Variants in RALGPS1 observed in about 807,000 individuals in gnomAD.
RALGPS1 encodes Ral GEF with PH domain and SH3 binding motif 1, also known as ras-specific guanine nucleotide-releasing factor RalGPS1.
Under a neutral mutation model 78.8 loss-of-function variants are expected in RALGPS1, and 19 were observed. That is an observed-to-expected ratio of 0.24 (90% CI 0.17 to 0.35). RALGPS1 has a LOEUF of 0.35. RALGPS1 is among the 10% of genes least tolerant of loss of function. RALGPS1 has a pLI of 1.00. For missense variants in RALGPS1, 454 were observed against 688.3 expected (o/e 0.66, Z 3.81); for synonymous variants, 228 against 256.3 (o/e 0.89, Z 1.06).
rs951244468 is a variant in RALGPS1, at chr9:127,062,849, GT to G, written c.484-6375del. 7.5e-4 allele frequency among the ~76,000 whole-genome samples: 114 copies of G among 152,230 alleles called. 1 individual carries two copies. Among genetic ancestry groups the G allele is most frequent in the East Asian group, 2.9e-3 (15 of 5,190 alleles). The stretch of plus-strand genomic sequence containing the variant: ...TTTATATTAGGTATGTGACTTTGTA[GT>G]TTTTTATTTTTCAGAAATGGGTATT... On this transcript the variant is annotated intron_variant, in intron 7 of 18. Transcript: ENST00000259351.
At chr9:127,199,826 G>A (rs1377549824) in intron 14 of RALGPS1, among the ~76,000 whole-genome samples, 2 of 152,150 alleles carry the variant, frequency 1.3e-5, no homozygotes, top group African/African-American at 4.8e-5. Context: ...GAGAGGAGGC[G>A]GGAAACATCC....
At chr9:126,932,245 T>C (rs1446315036) in intron 1 of RALGPS1, among the ~76,000 whole-genome samples, 1 of 152,188 alleles carries the variant, frequency 6.6e-6, no homozygotes. Context: ...AAGACAATAT[T>C]ATGTTGGTGA....
At chr9:126,968,312 C>G (rs564285626) in intron 3 of RALGPS1, among the ~76,000 whole-genome samples, 1 of 152,024 alleles carries the variant, frequency 6.6e-6, no homozygotes, top group Non-Finnish European at 1.5e-5. Flanking sequence ...ACCAAGAGTT[C>G]AATTCTTACA....
chr9:127,054,234 A>G (rs2048529032), intron 7 of RALGPS1, among the ~76,000 whole-genome samples: 1 of 152,148 alleles, frequency 6.6e-6, no homozygotes, highest in Non-Finnish European at 1.5e-5. Flanking sequence ...AGTCCATCTG[A>G]CCAGTGAGGC....
At chr9:126,946,210 C>T (rs1391172538) in intron 1 of RALGPS1, among the ~76,000 whole-genome samples, 1 of 152,060 alleles carries the variant, frequency 6.6e-6, no homozygotes, top group Non-Finnish European at 1.5e-5. Context: ...ACAATGTTGC[C>T]TGCTGATACT....
chr9:127,109,666 T>G (rs1400106833), intron 8 of RALGPS1, among the ~76,000 whole-genome samples: 1 of 152,238 alleles, frequency 6.6e-6, no homozygotes, highest in East Asian at 1.9e-4. Context: ...AGATGTTGAT[T>G]GAACACCTGT....
chr9:127,206,688 AG>A (rs1407926436), intron 14 of RALGPS1, among the ~76,000 whole-genome samples: 1 of 152,166 alleles, frequency 6.6e-6, no homozygotes, highest in Admixed American at 6.5e-5. Flanking sequence ...AAGATTACCA[AG>A]GCCTCAACAT....
intron 8 of RALGPS1, among the ~76,000 whole-genome samples, chr9:127,139,285 G>A (rs970270314): frequency 1.9e-4 from 29 of 152,206 alleles, no homozygotes; most frequent in Non-Finnish European, 2.6e-4. Context: ...GGGTCACTCT[G>A]ACTAGTGAGG....
chr9:126,953,845 A>G (rs1270040682), intron 1 of RALGPS1, among the ~76,000 whole-genome samples: 1 of 152,208 alleles, frequency 6.6e-6, no homozygotes, highest in Non-Finnish European at 1.5e-5. Flanking sequence ...GTTAAAGGAT[A>G]AACTCCATGG....
chr9:127,117,738 T>C (rs1007133657), intron 8 of RALGPS1, among the ~76,000 whole-genome samples: 2 of 152,252 alleles, frequency 1.3e-5, no homozygotes, highest in African/African-American at 2.4e-5. Flanking sequence ...CTTTTCTACC[T>C]GGCCCTGAGT....
Position 127,091,672 on chromosome 9 carries a change from G to T in RALGPS1, c.610+22316G>T, listed in dbSNP as rs747860652. 1 of 1,613,336 alleles carries T rather than the reference G, an allele frequency of 6.2e-7. No individual in the cohort carries two copies. Among genetic ancestry groups the T allele is most frequent in the Non-Finnish European group, 8.5e-7 (1 of 1,179,898 alleles). On this transcript the variant is annotated intron_variant, in intron 8 of 18. Transcript: ENST00000259351. This position sits in a 1 kb window ranked among gnomAD's most constrained non-coding sequence, Gnocchi z 4.3. ...GGGTTTGACTCCACTTTTCCTACCT[G>T]TGTAGACATCATGATCTCTGTCCAG... is the stretch of plus-strand genomic sequence containing the variant.
At chr9:127,000,874 C>A (rs1305122128) in intron 4 of RALGPS1, among the ~76,000 whole-genome samples, 3 of 151,448 alleles carry the variant, frequency 2.0e-5, no homozygotes, top group African/African-American at 4.8e-5. Flanking sequence ...ATTTCTAATT[C>A]CATTGTAGTT....
intron 3 of RALGPS1, 52 bp from the exon 4 acceptor site, chr9:126,977,643 C>T: frequency 2.4e-6 from 3 of 1,264,568 alleles, no homozygotes; most frequent in Admixed American, 1.9e-5. Flanking sequence ...AGTAACATGA[C>T]AGTTATCTTT....
intron 4 of RALGPS1, chr9:126,990,176 A>G (rs1191738021): frequency 1.4e-6 from 1 of 718,810 alleles, no homozygotes; most frequent in Non-Finnish European, 2.2e-6. Flanking sequence ...TCATTTGTAA[A>G]GTGGAGATTG....
intron 3 of RALGPS1, among the ~76,000 whole-genome samples, chr9:126,970,305 A>G (rs1229128365): frequency 2.6e-5 from 4 of 152,214 alleles, no homozygotes; most frequent in African/African-American, 9.6e-5. Flanking sequence ...GCATCTGTAG[A>G]GGAGAAAGCA....
At chr9:127,061,086 A>G (rs930905563) in intron 7 of RALGPS1, among the ~76,000 whole-genome samples, 4 of 152,234 alleles carry the variant, frequency 2.6e-5, no homozygotes, top group African/African-American at 4.8e-5. Flanking sequence ...GATGTGGCAC[A>G]TGATGAAAGC....
intron 4 of RALGPS1, among the ~76,000 whole-genome samples, chr9:126,990,706 C>T (rs1320761514): frequency 6.6e-6 from 1 of 152,232 alleles, no homozygotes; most frequent in Non-Finnish European, 1.5e-5. Flanking sequence ...CCTCATACTT[C>T]TTACGTATGG....
chr9:127,172,646 A>G (rs369184068), intron 10 of RALGPS1, among the ~76,000 whole-genome samples: 8 of 152,120 alleles, frequency 5.3e-5, no homozygotes, highest in East Asian at 1.9e-4. Flanking sequence ...GGGATTGTCT[A>G]TTTCTACTTA....
chr9:126,941,168 G>GGC (rs1439053695), intron 1 of RALGPS1, among the ~76,000 whole-genome samples: 4 of 151,520 alleles, frequency 2.6e-5, no homozygotes, highest in Non-Finnish European at 5.9e-5. Context: ...TCTAGTTGTG[G>GGC]GGGGGGGTTG....
Sources: allele counts gnomAD v4.1 joint callset (sites outside exome capture counted in the v4.1 genomes callset), GRCh38; gene constraint gnomAD v4.1.1; non-coding constraint Gnocchi (gnomAD v3.1); transcripts MANE v1.5; gene names NCBI Gene and HGNC (gene_info 2026-07-23, HGNC 2026-07-21).